The following SV2B variants were observed in gnomAD, a reference collection of about 807,000 sequenced individuals.
SV2B encodes the protein solute carrier family 22 member B2.
In SV2B, 41 loss-of-function variants were observed where a neutral mutation model predicts 73.9. That is an observed-to-expected ratio of 0.56 (90% CI 0.43 to 0.72). The LOEUF is 0.72. SV2B is among the 30% of genes least tolerant of loss of function. SV2B has a pLI of 0.00. For synonymous variants in SV2B, 314 were observed against 314.2 expected, an observed-to-expected ratio of 1.00 and a Z score of 0.01; for missense variants, 764 against 857.8, an observed-to-expected ratio of 0.89 and a Z score of 1.37.
chr15:91,182,719 C>T (rs2044628645), intron 1 of SV2B, among the ~76,000 whole-genome samples: 5 of 152,286 alleles, frequency 3.3e-5, no homozygotes, highest in Middle Eastern at 3.4e-3. Context: ...GTCAGCAGCA[C>T]CTCTTTGAGT....
In SV2B at chr15:91,116,943, G is replaced by A. The variant is rs566796700; in HGVS notation, c.-392+16580G>A. ...TCTTGTGAGACTTATTCACTATGAT[G>A]AGAAGAGCATGGGAAAAACCTGCCC... On this transcript the variant is annotated intron_variant, in intron 1 of 12. Coordinates refer to ENST00000394232, the MANE Select transcript of SV2B (RefSeq NM_001323032.3). Among the ~76,000 whole-genome samples the A allele has an allele frequency of 2.0e-5, 3 of 152,268 alleles. No homozygotes were observed. In the South Asian group the frequency reaches 6.2e-4, roughly 32 times the overall value.
intron 1 of SV2B, among the ~76,000 whole-genome samples, chr15:91,217,073 C>T (rs916977279): frequency 5.9e-5 from 9 of 151,842 alleles, no homozygotes; most frequent in African/African-American, 2.2e-4. Flanking sequence ...GATGGGGTTT[C>T]GCCATGTTGG....
At chr15:91,209,808 C>T (rs890454257) in intron 1 of SV2B, among the ~76,000 whole-genome samples, 1 of 152,186 alleles carries the variant, frequency 6.6e-6, no homozygotes, top group Admixed American at 6.5e-5. Context: ...CTGACATAAA[C>T]TACAAGTTCA....
At chr15:91,203,342 C>T (rs988647447) in intron 1 of SV2B, among the ~76,000 whole-genome samples, 1 of 152,192 alleles carries the variant, frequency 6.6e-6, no homozygotes, top group East Asian at 1.9e-4. Context: ...TTGGAACAGT[C>T]GAGGTCAGCA....
chr15:91,285,411 C>T (rs1417451984), intron 11 of SV2B, among the ~76,000 whole-genome samples: 1 of 152,174 alleles, frequency 6.6e-6, no homozygotes. Context: ...CAGCGCAGTG[C>T]CTGCAGTAGA....
rs557172881 is a variant in SV2B, at chr15:91,140,736, C to T, written c.-392+40373C>T. On this transcript the variant is annotated intron_variant, in intron 1 of 12. Coordinates refer to ENST00000394232, the MANE Select transcript of SV2B (RefSeq NM_001323032.3). This position sits in a 1 kb window ranked among gnomAD's most constrained non-coding sequence, Gnocchi z 4.4. ...ATACTTCTGTGGCTTAAAACACCAC[C>T]TTCTACCAAAGGCATGCTTCTGTTT... 2.6e-5 allele frequency among the ~76,000 whole-genome samples: 4 copies of T among 152,206 alleles called. No homozygotes were observed. The highest frequency in any genetic ancestry group is 9.6e-5 in the African/African-American group (4 of 41,542).
At chr15:91,133,654 C>G (rs956753597) in intron 1 of SV2B, among the ~76,000 whole-genome samples, 1 of 152,142 alleles carries the variant, frequency 6.6e-6, no homozygotes, top group African/African-American at 2.4e-5. Context: ...TGCTCGCTGG[C>G]TGCTGTCTGG....
In SV2B at chr15:91,121,235, C is replaced by A. The variant is rs888775969; in HGVS notation, c.-392+20872C>A. ...GAGTCAAAGTTTTCTTCACCTCAGG[C>A]GAGTTTTTATCTAGTGCTGTGGTTC... On this transcript the variant is annotated intron_variant, in intron 1 of 12. Transcript: ENST00000394232. The surrounding 1 kb of genome is among the most constrained non-coding windows in gnomAD (Gnocchi z 4.4). Among the ~76,000 whole-genome samples, 3 of 151,994 alleles carry A rather than the reference C, an allele frequency of 2.0e-5. No individual in the cohort carries two copies. Among genetic ancestry groups the A allele is most frequent in the Admixed American group, 6.6e-5 (1 of 15,260 alleles).
chr15:91,102,519 C>G (rs1336614773), intron 1 of SV2B, among the ~76,000 whole-genome samples: 3 of 152,190 alleles, frequency 2.0e-5, no homozygotes, highest in Non-Finnish European at 4.4e-5. Context: ...TCATTAAGTT[C>G]CTACTATGTG....
chr15:91,175,024 C>T (rs533913061), intron 1 of SV2B, among the ~76,000 whole-genome samples: 10 of 152,306 alleles, frequency 6.6e-5, no homozygotes, highest in East Asian at 1.9e-4. Flanking sequence ...GCAGCTATGT[C>T]GCTATATGGG....
At chr15:91,263,615 AAC>A (rs1206639984) in intron 6 of SV2B, among the ~76,000 whole-genome samples, 1 of 150,156 alleles carries the variant, frequency 6.7e-6, no homozygotes, top group East Asian at 2.0e-4. Context: ...CAGGAACACA[AAC>A]ACAGAAACAC....
chr15:91,226,269 T>C lies in SV2B; in HGVS notation c.6T>C (p.Asp2=), dbSNP rs1043480140. 6.2e-7 allele frequency: 1 copy of C among 1,614,040 alleles called. No homozygotes were observed. The highest frequency in any genetic ancestry group is 1.3e-5 in the African/African-American group (1 of 75,034). Residue 2 remains aspartate, a synonymous_variant, in exon 2 of 13, where the codon GAT becomes GAC. Coordinates refer to ENST00000394232, the MANE Select transcript of SV2B (RefSeq NM_001323032.3). M[D]DYKYQDNYGG... ...GGCAGTCGCAGAACCAAGGAATGGA[T>C]GACTACAAGTATCAGGACAATTATG...
intron 1 of SV2B, among the ~76,000 whole-genome samples, chr15:91,181,160 C>T (rs1483832715): frequency 1.3e-5 from 2 of 152,206 alleles, no homozygotes; most frequent in Admixed American, 1.3e-4. Context: ...GAGGTCCACT[C>T]CAGACCCTGT....
In SV2B at chr15:91,267,466, A is replaced by C. The variant is rs2048144686; in HGVS notation, c.1120-89A>C. On this transcript the variant is annotated intron_variant, in intron 7 of 12. Coordinates refer to ENST00000394232, the MANE Select transcript of SV2B (RefSeq NM_001323032.3). The surrounding 1 kb of genome is among the most constrained non-coding windows in gnomAD (Gnocchi z 4.3). The stretch of plus-strand genomic sequence containing the variant: ...CTCTCCATGGGTTCCTAGGCAACTT[A>C]TTAGAATATCTGAGTAATGAGCTCT... 8.4e-7 allele frequency: 1 copy of C among 1,194,102 alleles called. No homozygotes were observed. The highest frequency in any genetic ancestry group is 1.5e-5 in the African/African-American group (1 of 66,654). 74.0% of individuals were successfully genotyped at this position (1,194,102 alleles called of 1,614,324 possible).
intron 1 of SV2B, among the ~76,000 whole-genome samples, chr15:91,208,693 A>G (rs1277480449): frequency 2.0e-5 from 3 of 152,166 alleles, no homozygotes; most frequent in Non-Finnish European, 2.9e-5. Flanking sequence ...CCCTCCTTGT[A>G]TATGACAACC....
intron 9 of SV2B, among the ~76,000 whole-genome samples, chr15:91,269,108 GA>G (rs200005312): frequency 0.028 from 4,074 of 143,892 alleles, 109 homozygotes; most frequent in East Asian, 0.099. Flanking sequence ...TTTTTTAGAG[GA>G]AAAAAAAAAA....
chr15:91,128,559 A>G lies in SV2B; in HGVS notation c.-392+28196A>G, dbSNP rs377175131. Among the ~76,000 whole-genome samples the G allele has an allele frequency of 6.6e-6, 1 of 152,324 alleles. No individual in the cohort carries two copies. Among genetic ancestry groups the G allele is most frequent in the East Asian group, 1.9e-4 (1 of 5,194 alleles). On this transcript the variant is annotated intron_variant, in intron 1 of 12. Coordinates refer to ENST00000394232, the MANE Select transcript of SV2B (RefSeq NM_001323032.3). This position sits in a 1 kb window ranked among gnomAD's most constrained non-coding sequence, Gnocchi z 4.2. Reference sequence around the variant, plus strand: ...GTCCCAGTCTCTCTCAAGGCTAGCCATAGAAACTAGAATCCTTCTTTCCCA... The same window carrying G: ...GTCCCAGTCTCTCTCAAGGCTAGCCGTAGAAACTAGAATCCTTCTTTCCCA...
chr15:91,178,774 C>T (rs948261922), intron 1 of SV2B, among the ~76,000 whole-genome samples: 132 of 148,398 alleles, frequency 8.9e-4, no homozygotes, highest in Admixed American at 1.6e-3. Context: ...CTATTTGATT[C>T]TTCTCTCTTT....
chr15:91,165,427 A>G (rs2043878727), intron 1 of SV2B, among the ~76,000 whole-genome samples: 1 of 152,250 alleles, frequency 6.6e-6, no homozygotes, highest in Non-Finnish European at 1.5e-5. Context: ...CAGTATAACA[A>G]CAATTTACAT....
Sources: gnomAD v4.1 joint callset for allele counts (sites outside exome capture counted in the v4.1 genomes callset) on GRCh38, gnomAD v4.1.1 for gene constraint, Gnocchi (gnomAD v3.1) non-coding constraint, MANE v1.5 for transcripts, NCBI Gene and HGNC (gene_info 2026-07-23, HGNC 2026-07-21) for gene names.